The following RPSA2 variants were observed in gnomAD, a reference collection of about 807,000 sequenced individuals.
RPSA2 encodes the protein small ribosomal subunit protein uS2B.
At chr19:23,840,815 AG>A in the RPSA2 span, among the ~76,000 whole-genome samples, 3 of 144,584 alleles carry the variant, frequency 2.1e-5, no homozygotes, top group Non-Finnish European at 3.1e-5. Flanking sequence ...AAAAAAAATT[AG>A]CCGGACACTG....
At chr19:23,790,171 G>A in the RPSA2 span, among the ~76,000 whole-genome samples, 48 of 152,020 alleles carry the variant, frequency 3.2e-4, no homozygotes, top group African/African-American at 1.1e-3. Context: ...GCTACTTTTT[G>A]TATTTTTAGT....
At chr19:23,861,152 C>T in the RPSA2 span, among the ~76,000 whole-genome samples, 4 of 152,310 alleles carry the variant, frequency 2.6e-5, no homozygotes, top group East Asian at 1.9e-4. Flanking sequence ...TGAACCACTT[C>T]GGATCACCCC....
the RPSA2 span, chr19:23,832,625 A>G: frequency 7.7e-6 from 11 of 1,423,304 alleles, no homozygotes; most frequent in African/African-American, 1.4e-5. Context: ...TCATACTGGG[A>G]GAGACCCTAC....
the RPSA2 span, among the ~76,000 whole-genome samples, chr19:23,761,903 T>TCCTTCCTTCCTCCCTTCCTTCCTTCCTTC: frequency 2.8e-5 from 1 of 35,594 alleles, no homozygotes; most frequent in African/African-American, 1.0e-4. Flanking sequence ...GTAACGTAAT[T>TCCTTCCTTCCTCCCTTCCTTCCTTCCTTC]CTTTCTTTCT....
At chr19:23,832,495 T>C in the RPSA2 span, 1 of 534,284 alleles carries the variant, frequency 1.9e-6, no homozygotes, top group Non-Finnish European at 3.3e-6. Flanking sequence ...GCAAACCTTT[T>C]AGCCAAAACT....
chr19:23,828,306 T>G, the RPSA2 span, among the ~76,000 whole-genome samples: 1 of 135,462 alleles, frequency 7.4e-6, no homozygotes, highest in Non-Finnish European at 1.6e-5. Context: ...CTTTAATGCC[T>G]GCAGCATTCT....
chr19:23,785,590 G>A, the RPSA2 span, among the ~76,000 whole-genome samples: 1 of 152,132 alleles, frequency 6.6e-6, no homozygotes, highest in African/African-American at 2.4e-5. Flanking sequence ...CTTGCTTTCA[G>A]GAGAAGGTTG....
the RPSA2 span, among the ~76,000 whole-genome samples, chr19:23,767,007 C>T: frequency 1.7e-3 from 252 of 152,130 alleles, 2 homozygotes; most frequent in African/African-American, 5.9e-3. Context: ...GGCTGGAGTG[C>T]GGTGGCATGA....
the RPSA2 span, among the ~76,000 whole-genome samples, chr19:23,833,484 T>C: frequency 6.6e-6 from 1 of 152,120 alleles, no homozygotes; most frequent in Non-Finnish European, 1.5e-5. Context: ...GTGAAGAATG[T>C]GACAAAGCCT....
At chr19:23,859,681 A>T in the RPSA2 span, among the ~76,000 whole-genome samples, 5 of 152,240 alleles carry the variant, frequency 3.3e-5, no homozygotes, top group Admixed American at 3.3e-4. Context: ...TTGCTATTGA[A>T]TTATTTAACT....
the RPSA2 span, among the ~76,000 whole-genome samples, chr19:23,759,644 C>T: frequency 1.3e-5 from 2 of 148,750 alleles, no homozygotes; most frequent in South Asian, 4.3e-4. Flanking sequence ...TTGCCTCAGC[C>T]TCCCGAGGAG....
the RPSA2 span, among the ~76,000 whole-genome samples, chr19:23,767,208 T>C: frequency 2.0e-4 from 30 of 152,048 alleles, no homozygotes; most frequent in Admixed American, 5.2e-4. Context: ...TCCCAAAGAT[T>C]TGGGGTTACA....
At chr19:23,857,589 G>A in the RPSA2 span, among the ~76,000 whole-genome samples, 2 of 133,984 alleles carry the variant, frequency 1.5e-5, no homozygotes, top group Non-Finnish European at 3.1e-5. Flanking sequence ...CTTCCAATTT[G>A]AAGAGATTCT....
the RPSA2 span, among the ~76,000 whole-genome samples, chr19:23,773,217 C>A: frequency 6.6e-6 from 1 of 151,712 alleles, no homozygotes; most frequent in African/African-American, 2.4e-5. Context: ...CTGCCTCAGC[C>A]ACTCCAGTAG....
the RPSA2 span, among the ~76,000 whole-genome samples, chr19:23,789,006 C>CTTCTTTCTTT: frequency 1.0e-5 from 1 of 95,390 alleles, no homozygotes. Flanking sequence ...CTCATCTTTT[C>CTTCTTTCTTT]TTTTTTTTCT....
At chr19:23,834,064 A>T in the RPSA2 span, among the ~76,000 whole-genome samples, 1 of 152,120 alleles carries the variant, frequency 6.6e-6, no homozygotes, top group African/African-American at 2.4e-5. Context: ...AAAATTGTCT[A>T]TGTAAATATC....
the RPSA2 span, among the ~76,000 whole-genome samples, chr19:23,804,778 T>A: frequency 6.6e-6 from 1 of 152,280 alleles, no homozygotes; most frequent in Non-Finnish European, 1.5e-5. Context: ...GTAGCAATGC[T>A]TAGGTAAGTG....
chr19:23,784,232 A>G, the RPSA2 span, among the ~76,000 whole-genome samples: 1 of 152,230 alleles, frequency 6.6e-6, no homozygotes, highest in African/African-American at 2.4e-5. Context: ...TCACATCTGT[A>G]AAGCCCTAGT....
the RPSA2 span, among the ~76,000 whole-genome samples, chr19:23,816,453 T>C: frequency 6.6e-6 from 1 of 152,220 alleles, no homozygotes; most frequent in Non-Finnish European, 1.5e-5. Context: ...TTAAAACTGC[T>C]TCTTAAAAAT....
Sources: gnomAD v4.1 joint callset for allele counts (sites outside exome capture counted in the v4.1 genomes callset) on GRCh38, gnomAD v4.1.1 for gene constraint, MANE v1.5 for transcripts, NCBI Gene and HGNC (gene_info 2026-07-23, HGNC 2026-07-21) for gene names.